The following PATL2 variants were observed in gnomAD, a reference collection of about 807,000 sequenced individuals.
The protein encoded by PATL2 is protein PAT1 homolog 2.
In PATL2, 73 loss-of-function variants were observed where a neutral mutation model predicts 77.0. The ratio of observed to expected loss-of-function variants is 0.95; its 90% CI spans 0.78 to 1.15. The LOEUF (loss-of-function observed/expected upper bound fraction) is 1.15, where lower values mean the gene tolerates loss of function less well. Among genes scored for constraint, PATL2 ranks in the 50% most tolerant of loss-of-function variants. The probability of loss-of-function intolerance (pLI) is 0.00; values close to 1 mark genes in which losing one functional copy is unlikely to be tolerated. For synonymous variants in PATL2, 265 were observed against 257.1 expected, an observed-to-expected ratio of 1.03 and a Z score of -0.29; for missense variants, 618 against 655.4, an observed-to-expected ratio of 0.94 and a Z score of 0.62.
chr15:44,689,509 C>T (rs1054802593), intron 3 of PATL2, among the ~76,000 whole-genome samples: 3 of 152,196 alleles, frequency 2.0e-5, no homozygotes, highest in Admixed American at 1.3e-4. Context: ...GGCACATATA[C>T]ACCATGGAAT....
intron 3 of PATL2, among the ~76,000 whole-genome samples, chr15:44,683,080 C>T (rs191226817): frequency 4.9e-4 from 74 of 152,346 alleles, no homozygotes; most frequent in Middle Eastern, 6.8e-3. Context: ...CTTTTCCCAT[C>T]CTCTTCACAA....
chr15:44,667,769 C>G (rs1319039411), intron 15 of PATL2, among the ~76,000 whole-genome samples: 1 of 152,050 alleles, frequency 6.6e-6, no homozygotes, highest in African/African-American at 2.4e-5. Context: ...ATGGTGAAAC[C>G]ATGTCTCTAC....
intron 3 of PATL2, among the ~76,000 whole-genome samples, chr15:44,698,289 T>C (rs1237722497): frequency 6.6e-6 from 1 of 152,130 alleles, no homozygotes; most frequent in African/African-American, 2.4e-5. Flanking sequence ...TACTATACAA[T>C]AAACTGTTGA....
rs1174536463 is a variant in PATL2, at chr15:44,672,522, T to C, written c.447-66A>G. 6.8e-6 allele frequency: 10 copies of C among 1,461,522 alleles called. No homozygotes were observed. The African/African-American group carries it at 7.0e-5, about 10-fold the overall frequency. The allele number at this position is 1,461,522 out of a possible 1,614,324, so 90.5% of individuals were successfully genotyped here. ...CTCAGTTCTCTGCCCCCTCCATTCA[T>C]TCAGCCCAGGTCAGCTCTGATGGAC... On this transcript the variant is annotated intron_variant, in intron 7 of 17. Coordinates refer to ENST00000682850, the MANE Select transcript of PATL2 (RefSeq NM_001387263.1).
intron 3 of PATL2, among the ~76,000 whole-genome samples, chr15:44,683,770 G>T (rs1317380378): frequency 6.6e-6 from 1 of 152,178 alleles, no homozygotes; most frequent in African/African-American, 2.4e-5. Flanking sequence ...CTCCTCAAGT[G>T]TGTCCCTGAC....
chr15:44,697,790 C>T (rs1317872022), intron 3 of PATL2, among the ~76,000 whole-genome samples: 1 of 152,194 alleles, frequency 6.6e-6, no homozygotes, highest in Non-Finnish European at 1.5e-5. Flanking sequence ...TCAGTGAAAT[C>T]ATGGGAAGTA....
intron 9 of PATL2, 90 bp from the exon 10 acceptor site, chr15:44,670,177 T>G (rs993983300): frequency 6.8e-7 from 1 of 1,476,090 alleles, no homozygotes; most frequent in African/African-American, 1.4e-5. Flanking sequence ...TGCAGCCTCT[T>G]AAGTTTAGTT....
In PATL2 at chr15:44,666,598, G is replaced by A. The variant is rs1013379148; in HGVS notation, c.1464-57C>T. 9.7e-6 allele frequency: 14 copies of A among 1,437,526 alleles called. No individual in the cohort carries two copies. In the Admixed American group the frequency reaches 3.7e-4, roughly 38 times the overall value. 89.0% of individuals were successfully genotyped at this position (1,437,526 alleles called of 1,614,324 possible). On this transcript the variant is annotated intron_variant, in intron 16 of 17. Transcript: ENST00000682850. ...AGATTTGCTTAAGAAACAGACTCAG[G>A]GCCAAGGTTTCTTATTATCTTTCCG... is the stretch of plus-strand genomic sequence containing the variant.
rs374327875 is a variant in PATL2, at chr15:44,665,976, A to G, written c.1614-5T>C. 1.8e-5 allele frequency: 28 copies of G among 1,538,102 alleles called. No individual in the cohort carries two copies. The highest frequency in any genetic ancestry group is 1.8e-4 in the African/African-American group (13 of 72,218). ...GATCAGTAAATCCAGGCAAACCTAT[A>G]AAGAGAACAGATATTAACTGCAAGC... On this transcript the variant is annotated splice_region_variant and splice_polypyrimidine_tract_variant and intron_variant, in intron 17 of 17. Transcript: ENST00000682850.
intron 8 of PATL2, 37 bp downstream of exon 8, chr15:44,672,351 G>A (rs1424529146): frequency 6.5e-7 from 1 of 1,544,952 alleles, no homozygotes; most frequent in Non-Finnish European, 8.8e-7. Context: ...GCATGCAAAT[G>A]GGCTCCCCTC....
intron 7 of PATL2, 51 bp from the exon 8 acceptor site, chr15:44,672,507 T>G: frequency 6.7e-7 from 1 of 1,493,840 alleles, no homozygotes; most frequent in Non-Finnish European, 9.1e-7. Flanking sequence ...CTCAGTTCTC[T>G]GCCCCCTCCA....
In PATL2 at chr15:44,673,247, G is replaced by A. The variant is rs748573824; in HGVS notation, c.434C>T (p.Pro145Leu). 2 of 1,551,420 alleles carry A rather than the reference G, an allele frequency of 1.3e-6. No individual in the cohort carries two copies. The highest frequency in any genetic ancestry group is 1.7e-6 in the Non-Finnish European group (2 of 1,146,954). Residue 145 changes from proline to leucine, a missense_variant, in exon 7 of 18, where the codon CCC becomes CTC. Pro to Leu is a moderately conservative substitution (Grantham distance 98, BLOSUM62 -3). Coordinates refer to ENST00000682850, the MANE Select transcript of PATL2 (RefSeq NM_001387263.1). The part of the protein sequence containing the change: ...TLFCSLLTSW[P>L]PRFSHLTQLH... ...CTCAAACCAGTACCTGAACCTAGGG[G>A]GCCACGAGGTCAGCAGGCTGCAGAA...
intron 3 of PATL2, among the ~76,000 whole-genome samples, chr15:44,690,857 C>G (rs2141245763): frequency 6.6e-6 from 1 of 152,164 alleles, no homozygotes; most frequent in South Asian, 2.1e-4. Flanking sequence ...TGACAGATAA[C>G]ATAAAAATAA....
At chr15:44,706,713 T>C (rs2086743490) in intron 3 of PATL2, among the ~76,000 whole-genome samples, 1 of 152,228 alleles carries the variant, frequency 6.6e-6, no homozygotes, top group Admixed American at 6.5e-5. Context: ...GAAGCCAGCA[T>C]AGTACTGGGT....
chr15:44,695,783 T>G (rs1238480439), intron 3 of PATL2, among the ~76,000 whole-genome samples: 1 of 152,364 alleles, frequency 6.6e-6, no homozygotes, highest in East Asian at 1.9e-4. Context: ...ATGATGGATC[T>G]GTGGACACAT....
rs553403732 is a variant in PATL2, at chr15:44,672,387, C to T, written c.515+1G>A. 3.2e-6 allele frequency: 5 copies of T among 1,551,618 alleles called. No individual in the cohort carries two copies. The highest frequency in any genetic ancestry group is 2.4e-5 in the South Asian group (2 of 84,048). ...AACCCTGCTCCTGGTCTGGGCTTTA[C>T]CTTGGTGTTTGACTATGCTGCTGCT... On this transcript the variant is annotated splice_donor_variant, in intron 8 of 17. Coordinates refer to ENST00000682850, the MANE Select transcript of PATL2 (RefSeq NM_001387263.1). LOFTEE classifies it high-confidence loss of function.
intron 3 of PATL2, among the ~76,000 whole-genome samples, chr15:44,680,524 T>C (rs2086110649): frequency 6.6e-6 from 1 of 152,278 alleles, no homozygotes; most frequent in East Asian, 1.9e-4. Flanking sequence ...TCTCCTCCTC[T>C]TCAAGTCCAG....
chr15:44,699,094 G>C (rs2086574878), intron 3 of PATL2, among the ~76,000 whole-genome samples: 1 of 152,108 alleles, frequency 6.6e-6, no homozygotes. Context: ...AATTGGATTA[G>C]TAGATTTTTT....
chr15:44,671,771 A>C (rs1012226845), intron 9 of PATL2, among the ~76,000 whole-genome samples: 1 of 152,230 alleles, frequency 6.6e-6, no homozygotes. Context: ...AGCAAAGAGT[A>C]GAGACAAAAC....
Sources: allele counts gnomAD v4.1 joint callset (sites outside exome capture counted in the v4.1 genomes callset), GRCh38; gene constraint gnomAD v4.1.1; transcripts MANE v1.5; gene names NCBI Gene and HGNC (gene_info 2026-07-23, HGNC 2026-07-21).